OSBPL6: variants seen among roughly 807,000 people sequenced by gnomAD.
The protein encoded by OSBPL6 is oxysterol binding protein like 6.
OSBPL6 carries 49 observed loss-of-function variants against 125.8 expected under a neutral mutation model. The observed-to-expected ratio is 0.39, with a 90% confidence interval of 0.31 to 0.49. OSBPL6 has a LOEUF of 0.49. Ranked by LOEUF, OSBPL6 falls within the 20% of genes least tolerant of loss-of-function variation. OSBPL6 has a pLI of 0.88. For synonymous variants in OSBPL6, 394 were observed against 391.8 expected (o/e 1.01, Z -0.07); for missense variants, 986 against 1,135.4 (o/e 0.87, Z 1.89).
rs904746588 is a variant in OSBPL6, at chr2:178,401,040, TA to T, written c.*5482del. The T allele has an allele frequency of 2.0e-5, 3 of 152,278 alleles. No individual in the cohort carries two copies. The highest frequency in any genetic ancestry group is 2.1e-4 in the South Asian group (1 of 4,834). The allele number at this position is 152,278 out of a possible 1,614,324, so 9.4% of individuals were successfully genotyped here. ...TTGAAATGCTTAGAAAACAATCATTTATTTTTTTATGTCAAAATGTCCAAGT... is the reference window on the plus strand; with the variant it reads ...TTGAAATGCTTAGAAAACAATCATTTTTTTTTTATGTCAAAATGTCCAAGT... On this transcript the variant is annotated 3_prime_UTR_variant, in exon 25 of 25. Transcript: ENST00000190611.
At chr2:178,302,245 A>G (rs970393124) in intron 2 of OSBPL6, among the ~76,000 whole-genome samples, 2 of 152,202 alleles carry the variant, frequency 1.3e-5, no homozygotes, top group Admixed American at 1.3e-4. Flanking sequence ...CAGAAAAATT[A>G]GATGTTCAGC....
rs149839878 is a variant in OSBPL6, at chr2:178,248,362, G to A, written c.-350-36565G>A. On this transcript the variant is annotated intron_variant, in intron 1 of 24. Transcript: ENST00000190611. Reference sequence around the variant, plus strand: ...TTTCAGATTTGGTTGTGGATATGATGGTATATGAATATTTACAAACTTAAA... The same window carrying A: ...TTTCAGATTTGGTTGTGGATATGATAGTATATGAATATTTACAAACTTAAA... Among the ~76,000 whole-genome samples, 888 of 152,134 alleles carry A rather than the reference G, an allele frequency of 5.8e-3. 10 individuals are homozygous for A. The highest frequency in any genetic ancestry group is 0.02 in the African/African-American group (849 of 41,528).
chr2:178,243,153 A>G (rs369602852), intron 1 of OSBPL6, among the ~76,000 whole-genome samples: 2 of 152,132 alleles, frequency 1.3e-5, no homozygotes. Flanking sequence ...AGCACTGTTC[A>G]CAGTTCTTAG....
chr2:178,327,822 T>G (rs1688829241), intron 4 of OSBPL6, among the ~76,000 whole-genome samples: 1 of 152,094 alleles, frequency 6.6e-6, no homozygotes, highest in South Asian at 2.1e-4. Flanking sequence ...CTGAGCCACT[T>G]GAGACAACAG....
At position 178,346,428 on chromosome 2, in the gene OSBPL6, C is replaced by T. The variant is rs1690724970; in HGVS notation, c.988-2796C>T. Among the ~76,000 whole-genome samples the T allele has an allele frequency of 5.3e-5, 8 of 152,058 alleles. No individual in the cohort carries two copies. The South Asian group carries it at 1.5e-3, about 28-fold the overall frequency. On this transcript the variant is annotated intron_variant, in intron 11 of 24. Coordinates refer to ENST00000190611, the MANE Select transcript of OSBPL6 (RefSeq NM_032523.4). ...TTGCTGAATTTCACTGTCAGCAACT[C>T]CATTGTCAATTCATTTCACTTTTGA...
chr2:178,224,900 A>G (rs924172014), intron 1 of OSBPL6, among the ~76,000 whole-genome samples: 1 of 152,104 alleles, frequency 6.6e-6, no homozygotes, highest in African/African-American at 2.4e-5. Context: ...GTACCACTGC[A>G]CTCCAGCTTG....
intron 1 of OSBPL6, among the ~76,000 whole-genome samples, chr2:178,284,582 G>A (rs556367241): frequency 1.3e-5 from 2 of 152,026 alleles, no homozygotes; most frequent in South Asian, 4.2e-4. Context: ...AAAAAGCCCT[G>A]TTGAGGTTTA....
At chr2:178,243,602 A>G (rs1259723257) in intron 1 of OSBPL6, among the ~76,000 whole-genome samples, 1 of 151,946 alleles carries the variant, frequency 6.6e-6, no homozygotes, top group African/African-American at 2.4e-5. Context: ...TCCCAACTCT[A>G]TTGCCATAGC....
At chr2:178,233,786 C>A (rs1013499862) in intron 1 of OSBPL6, among the ~76,000 whole-genome samples, 1 of 152,260 alleles carries the variant, frequency 6.6e-6, no homozygotes, top group East Asian at 1.9e-4. Context: ...CCACCTCATG[C>A]GTTGTTGTGA....
rs1311003510 is a variant in OSBPL6 at position 178,392,525 on chromosome 2, C to T, written c.2560C>T (p.Arg854Trp). ...CCTTCCACCAACAGACGCCCGGTTC[C>T]GGCCAGATCAAAGGTGAGGATGGCA... ...DLLPPTDARF[R>W]PDQRFLEEGN... Residue 854 changes from arginine to tryptophan, a missense_variant, in exon 23 of 25, where the codon CGG becomes TGG. By Grantham distance (101) the Arg-to-Trp change is moderately radical (BLOSUM62 -3). Around this residue, in one of 3 missense-constraint regions of OSBPL6, gnomAD observed 843 missense variants for 997.3 expected, o/e 0.85. Coordinates refer to ENST00000190611, the MANE Select transcript of OSBPL6 (RefSeq NM_032523.4). The T allele has an allele frequency of 2.5e-6, 4 of 1,613,960 alleles. No homozygotes were observed. Among genetic ancestry groups the T allele is most frequent in the Non-Finnish European group, 3.4e-6 (4 of 1,179,958 alleles).
chr2:178,382,661 T>G (rs781068075), intron 16 of OSBPL6, 154 bp downstream of exon 16: 2 of 1,496,256 alleles, frequency 1.3e-6, no homozygotes, highest in Admixed American at 4.8e-5. Flanking sequence ...TTTTGTATGA[T>G]CTCTTGAGGT....
At chr2:178,342,912 C>T (rs752525502) in intron 11 of OSBPL6, among the ~76,000 whole-genome samples, 4 of 152,114 alleles carry the variant, frequency 2.6e-5, no homozygotes, top group Non-Finnish European at 5.9e-5. Context: ...TCAAATTACA[C>T]TGAAGGGTGA....
At chr2:178,236,085 C>T (rs957452961) in intron 1 of OSBPL6, among the ~76,000 whole-genome samples, 3 of 152,020 alleles carry the variant, frequency 2.0e-5, no homozygotes, top group African/African-American at 7.2e-5. Context: ...ATGTTCTCTG[C>T]AACCATTGCT....
In OSBPL6 at chr2:178,234,695, G is replaced by A. The variant is rs574785654; in HGVS notation, c.-351+40021G>A. ...TGTAGAGCAAAGGTTTTTAATTTTG[G>A]TAAGGTCCAATTTATCCATTTTTCC... On this transcript the variant is annotated intron_variant, in intron 1 of 24. Coordinates refer to ENST00000190611, the MANE Select transcript of OSBPL6 (RefSeq NM_032523.4). Among the ~76,000 whole-genome samples, 4 of 152,236 alleles carry A rather than the reference G, an allele frequency of 2.6e-5. No individual in the cohort carries two copies. The East Asian group carries it at 7.7e-4, about 29-fold the overall frequency.
chr2:178,301,943 T>G (rs1223811727), intron 2 of OSBPL6, among the ~76,000 whole-genome samples: 1 of 152,196 alleles, frequency 6.6e-6, no homozygotes, highest in Non-Finnish European at 1.5e-5. Context: ...CCTAACCTAC[T>G]GGTGCCTTGA....
chr2:178,253,698 G>A (rs558870779), intron 1 of OSBPL6, among the ~76,000 whole-genome samples: 10 of 152,312 alleles, frequency 6.6e-5, no homozygotes, highest in African/African-American at 2.4e-4. Flanking sequence ...CTTTTTATGT[G>A]CATGTTGATT....
Position 178,349,376 on chromosome 2 carries a change from A to G in OSBPL6, c.1140A>G (p.Leu380=). The change falls in exon 12 of 25, where the codon CTA becomes CTG. Residue 380 remains leucine, a synonymous_variant. Transcript: ENST00000190611. ...CAAAGCTGCAAGAAGAATTTTGTCT[A>G]ATCGCACAGAAAGGTAAGAACAAAA... is the stretch of plus-strand genomic sequence containing the variant. ...DYTKLQEEFC[L]IAQKVHSLLK... is the part of the protein sequence containing the mutation. The G allele has an allele frequency of 6.2e-7, 1 of 1,614,146 alleles. No homozygotes were observed. The highest frequency in any genetic ancestry group is 2.2e-5 in the East Asian group (1 of 44,886).
At chr2:178,357,201 C>G (rs1691876442) in intron 12 of OSBPL6, among the ~76,000 whole-genome samples, 1 of 152,164 alleles carries the variant, frequency 6.6e-6, no homozygotes, top group African/African-American at 2.4e-5. Context: ...GACTAAAACA[C>G]TAAAAGCAAT....
chr2:178,244,195 C>G (rs2091406629), intron 1 of OSBPL6, among the ~76,000 whole-genome samples: 1 of 152,182 alleles, frequency 6.6e-6, no homozygotes, highest in Non-Finnish European at 1.5e-5. Context: ...TTTGCACATG[C>G]TACTCCCTCT....
Sources: allele counts gnomAD v4.1 joint callset (sites outside exome capture counted in the v4.1 genomes callset), GRCh38; gene constraint gnomAD v4.1.1; regional missense constraint gnomAD v4.1.1; transcripts MANE v1.5; gene names NCBI Gene and HGNC (gene_info 2026-07-23, HGNC 2026-07-21).